Variants in OSBPL10 observed in about 807,000 individuals in gnomAD.
OSBPL10 encodes oxysterol-binding protein-related protein 10.
OSBPL10 carries 49 observed loss-of-function variants against 81.7 expected under a neutral mutation model. The observed-to-expected ratio is 0.60, with a 90% confidence interval of 0.48 to 0.76. OSBPL10 has a LOEUF of 0.76. Among genes scored for constraint, OSBPL10 ranks in the 30% least tolerant of loss-of-function variants. The probability of loss-of-function intolerance (pLI) is 0.00; values close to 1 mark genes in which losing one functional copy is unlikely to be tolerated. For missense variants in OSBPL10, 923 were observed against 987.8 expected (o/e 0.93, Z 0.88); for synonymous variants, 419 against 383.6 (o/e 1.09, Z -1.08).
At chr3:31,886,041 A>C in intron 1 of OSBPL10, among the ~76,000 whole-genome samples, 1 of 129,512 alleles carries the variant, frequency 7.7e-6, no homozygotes, top group East Asian at 2.7e-4. Flanking sequence ...GGAGAAGGAG[A>C]TGGGGGGTGG....
At chr3:32,027,880 G>GC (rs1699431388) in intron 2 of OSBPL10, among the ~76,000 whole-genome samples, 1 of 152,194 alleles carries the variant, frequency 6.6e-6, no homozygotes, top group South Asian at 2.1e-4. Context: ...TTTTCTCAAA[G>GC]CAAGAGAAGA....
At chr3:31,725,218 C>T (rs888460555) in intron 6 of OSBPL10, among the ~76,000 whole-genome samples, 6 of 152,178 alleles carry the variant, frequency 3.9e-5, no homozygotes, top group Non-Finnish European at 8.8e-5. Context: ...AAAATAATTG[C>T]ATAGATGAAT....
chr3:31,776,428 T>A (rs1698551036), intron 4 of OSBPL10, among the ~76,000 whole-genome samples: 1 of 152,142 alleles, frequency 6.6e-6, no homozygotes, highest in African/African-American at 2.4e-5. Flanking sequence ...AAGTTAAACA[T>A]AAAATTACCA....
chr3:31,949,578 G>A (rs1475590364), intron 1 of OSBPL10, among the ~76,000 whole-genome samples: 1 of 139,712 alleles, frequency 7.2e-6, no homozygotes, highest in Non-Finnish European at 1.5e-5. Context: ...TGAGGCAGGA[G>A]AATCACGTGA....
intron 6 of OSBPL10, among the ~76,000 whole-genome samples, chr3:31,724,714 C>T (rs1011609034): frequency 2.0e-5 from 3 of 152,216 alleles, no homozygotes; most frequent in African/African-American, 7.2e-5. Flanking sequence ...TGTACTCAGA[C>T]AGCTCATGAA....
chr3:31,681,508 C>G (rs1700640858), intron 8 of OSBPL10, among the ~76,000 whole-genome samples: 1 of 152,194 alleles, frequency 6.6e-6, no homozygotes, highest in Non-Finnish European at 1.5e-5. Context: ...ACTAGTGCTA[C>G]TCCACTGACA....
chr3:31,842,954 C>A (rs930080788), intron 3 of OSBPL10, among the ~76,000 whole-genome samples: 2 of 152,154 alleles, frequency 1.3e-5, no homozygotes, highest in African/African-American at 4.8e-5. Flanking sequence ...GGTTTAGATA[C>A]AGGAGGTGGC....
intron 4 of OSBPL10, among the ~76,000 whole-genome samples, chr3:31,783,855 T>TATATATATAC (rs1698789845): frequency 1.0e-5 from 1 of 99,480 alleles, no homozygotes; most frequent in Non-Finnish European, 2.1e-5. Flanking sequence ...TATATATATA[T>TATATATATAC]ATATGAATGA....
At chr3:31,970,532 A>G (rs1180615347) in intron 1 of OSBPL10, among the ~76,000 whole-genome samples, 2 of 152,220 alleles carry the variant, frequency 1.3e-5, no homozygotes, top group African/African-American at 4.8e-5. Context: ...TCCTAGTTGC[A>G]AGGAGGGGGA....
intron 1 of OSBPL10, among the ~76,000 whole-genome samples, chr3:31,956,969 T>TAA (rs201147992): frequency 1.3e-5 from 2 of 151,534 alleles, no homozygotes; most frequent in African/African-American, 4.9e-5. Flanking sequence ...CCCATCTCTA[T>TAA]AAAAAATACA....
intron 3 of OSBPL10, among the ~76,000 whole-genome samples, chr3:31,841,984 C>G (rs774453868): frequency 1.3e-5 from 2 of 152,140 alleles, no homozygotes; most frequent in African/African-American, 2.4e-5. Context: ...CTCTAAAAAC[C>G]TAGAAGCGTT....
At chr3:31,847,983 G>A (rs1050109983) in intron 3 of OSBPL10, among the ~76,000 whole-genome samples, 8 of 152,080 alleles carry the variant, frequency 5.3e-5, no homozygotes, top group East Asian at 3.9e-4. Flanking sequence ...AGTGAAGCAC[G>A]CCAGCCCCTC....
At position 32,000,239 on chromosome 3, in the gene OSBPL10, C is replaced by T. The variant is rs963642385; in HGVS notation, n.298+46252G>A. Among the ~76,000 whole-genome samples the T allele has an allele frequency of 2.6e-5, 4 of 152,192 alleles. No individual in the cohort carries two copies. In the East Asian group the frequency reaches 5.8e-4, roughly 22 times the overall value. ...TTTCACTGTAGCATGGTCATGCTGA[C>T]GTGACAGAATGACATGACAGAGTTA... On this transcript the variant is annotated intron_variant and non_coding_transcript_variant, in intron 2 of 3. Coordinates refer to the OSBPL10 transcript ENST00000479173.
At chr3:31,756,307 G>A (rs1225146266) in intron 4 of OSBPL10, among the ~76,000 whole-genome samples, 1 of 152,054 alleles carries the variant, frequency 6.6e-6, no homozygotes, top group East Asian at 1.9e-4. Context: ...AAACAACAAT[G>A]AGAAGGTTCC....
chr3:31,706,846 T>C (rs756189355), intron 6 of OSBPL10, among the ~76,000 whole-genome samples: 1 of 152,182 alleles, frequency 6.6e-6, no homozygotes, highest in Non-Finnish European at 1.5e-5. Flanking sequence ...AGTCCACTCA[T>C]TTCCCTGTCA....
chr3:31,764,449 T>A lies in OSBPL10; in HGVS notation c.730-16329A>T, dbSNP rs796426984. Among the ~76,000 whole-genome samples the A allele has an allele frequency of 1.3e-4, 19 of 151,216 alleles. 2 individuals are homozygous for A. The highest frequency in any genetic ancestry group is 3.9e-4 in the African/African-American group (16 of 41,124). On this transcript the variant is annotated intron_variant, in intron 4 of 11. Transcript: ENST00000396556. ...AGAAGAAATGGGAAGACAGGGCAAG[T>A]GAAAGGAAGGGCGATTAAAGGGAGG...
At chr3:31,852,509 A>T (rs1700795306) in intron 3 of OSBPL10, among the ~76,000 whole-genome samples, 1 of 152,200 alleles carries the variant, frequency 6.6e-6, no homozygotes, top group African/African-American at 2.4e-5. Flanking sequence ...CAATTATTAC[A>T]GGAGAAAAAC....
chr3:31,980,151 C>T (rs1271492820), intron 1 of OSBPL10, among the ~76,000 whole-genome samples: 2 of 151,802 alleles, frequency 1.3e-5, no homozygotes, highest in African/African-American at 4.8e-5. Context: ...ATTACAGGCG[C>T]GCCGCCACGC....
intron 2 of OSBPL10, among the ~76,000 whole-genome samples, chr3:32,017,301 G>T (rs895517476): frequency 5.3e-5 from 8 of 152,170 alleles, no homozygotes; most frequent in African/African-American, 1.9e-4. Context: ...AACACCAGCT[G>T]TTTGATCCGA....
Sources: gnomAD v4.1 joint callset for allele counts (sites outside exome capture counted in the v4.1 genomes callset) on GRCh38, gnomAD v4.1.1 for gene constraint, MANE v1.5 for transcripts, NCBI Gene and HGNC (gene_info 2026-07-23, HGNC 2026-07-21) for gene names.